Variants in CREB3L1 observed in about 807,000 individuals in gnomAD.
CREB3L1 encodes cAMP responsive element binding protein 3 like 1.
Under a neutral mutation model 54.5 loss-of-function variants are expected in CREB3L1, and 33 were observed. The observed-to-expected ratio is 0.61, with a 90% CI of 0.46 to 0.81. The LOEUF (loss-of-function observed/expected upper bound fraction) is 0.81, where lower values mean the gene tolerates loss of function less well. Among genes scored for constraint, CREB3L1 ranks in the 30% least tolerant of loss-of-function variants. The pLI, the probability that CREB3L1 is intolerant of heterozygous loss-of-function variation, is 0.00. For missense variants in CREB3L1, 656 were observed against 673.3 expected (o/e 0.97, Z 0.29); for synonymous variants, 284 against 286.4 (o/e 0.99, Z 0.08).
chr11:46,297,224 C>T (rs1590342798), intron 1 of CREB3L1, among the ~76,000 whole-genome samples: 1 of 152,206 alleles, frequency 6.6e-6, no homozygotes, highest in Admixed American at 6.5e-5. Flanking sequence ...CTGTGGCTGG[C>T]TGGGTGGTTG....
chr11:46,292,483 A>G (rs527925694), intron 1 of CREB3L1, among the ~76,000 whole-genome samples: 76 of 152,236 alleles, frequency 5.0e-4, no homozygotes, highest in Non-Finnish European at 9.1e-4. Context: ...AGCAAGACAT[A>G]TAGGCAATAC....
chr11:46,288,900 C>T (rs1305094352), intron 1 of CREB3L1, among the ~76,000 whole-genome samples: 1 of 152,172 alleles, frequency 6.6e-6, no homozygotes, highest in Admixed American at 6.5e-5. Flanking sequence ...TGAGCCTCAG[C>T]GTCTCATCCA....
intron 1 of CREB3L1, among the ~76,000 whole-genome samples, chr11:46,291,997 G>A (rs1002496257): frequency 3.3e-5 from 5 of 152,236 alleles, no homozygotes; most frequent in African/African-American, 1.2e-4. Flanking sequence ...TCCAGGCGAG[G>A]AGGGCCTTCC....
intron 1 of CREB3L1, among the ~76,000 whole-genome samples, chr11:46,298,647 C>T (rs1402932873): frequency 6.6e-6 from 1 of 152,072 alleles, no homozygotes; most frequent in African/African-American, 2.4e-5. Flanking sequence ...TGCAGTGAGC[C>T]AAAATCATGC....
At chr11:46,300,744 G>C (rs527601924) in intron 2 of CREB3L1, among the ~76,000 whole-genome samples, 1 of 151,834 alleles carries the variant, frequency 6.6e-6, no homozygotes, top group African/African-American at 2.4e-5. Flanking sequence ...GGTGGCTCAC[G>C]CCTGTAATCC....
At chr11:46,317,290 G>GA (rs1939581904) in intron 9 of CREB3L1, 71 bp from the exon 10 acceptor site, 1 of 1,587,888 alleles carries the variant, frequency 6.3e-7, no homozygotes, top group African/African-American at 1.3e-5. Flanking sequence ...TTTGGGAGAG[G>GA]AGGAGTGGGG....
chr11:46,278,120 C>G lies in CREB3L1; in HGVS notation c.9C>G (p.Ala3=). MD[A]VLEPFPADRL... The stretch of plus-strand genomic sequence containing the variant: ...CCCGGGAGCCGGCTGCGATGGACGC[C>G]GTCTTGGAACCCTTCCCGGCCGACA... The change falls in exon 1 of 12, where the codon GCC becomes GCG. Residue 3 remains alanine (A), a synonymous_variant. Coordinates refer to ENST00000621158, the MANE Select transcript of CREB3L1 (RefSeq NM_052854.4). The surrounding 1 kb of genome is among the most constrained non-coding windows in gnomAD (Gnocchi z 4.2). The G allele has an allele frequency of 6.4e-7, 1 of 1,554,294 alleles. No homozygotes were observed. Among genetic ancestry groups the G allele is most frequent in the Non-Finnish European group, 8.7e-7 (1 of 1,148,892 alleles).
rs904914165 is a variant in CREB3L1 at position 46,278,511 on chromosome 11, C to T, written c.102+298C>T. Reference sequence around the variant, plus strand: ...CCGCCCTCCACCCACGTCTTCTAGCCGTCCCCAACCCACCCCAGGTTCCAG... The same window carrying T: ...CCGCCCTCCACCCACGTCTTCTAGCTGTCCCCAACCCACCCCAGGTTCCAG... On this transcript the variant is annotated intron_variant, in intron 1 of 11. Coordinates refer to ENST00000621158, the MANE Select transcript of CREB3L1 (RefSeq NM_052854.4). The surrounding 1 kb of genome is among the most constrained non-coding windows in gnomAD (Gnocchi z 4.2). Among the ~76,000 whole-genome samples the T allele has an allele frequency of 1.1e-4, 17 of 152,250 alleles. No homozygotes were observed. The highest frequency in any genetic ancestry group is 1.1e-3 in the Admixed American group (17 of 15,292).
intron 4 of CREB3L1, among the ~76,000 whole-genome samples, chr11:46,310,320 T>C (rs1413006750): frequency 6.6e-6 from 1 of 151,992 alleles, no homozygotes; most frequent in Non-Finnish European, 1.5e-5. Flanking sequence ...CAGGCTGGAG[T>C]ACCATGGCAC....
intron 1 of CREB3L1, among the ~76,000 whole-genome samples, chr11:46,283,667 G>A (rs1939012246): frequency 6.6e-6 from 1 of 151,836 alleles, no homozygotes; most frequent in South Asian, 2.1e-4. Flanking sequence ...ATCACTTGAG[G>A]CCAAGAGTTT....
chr11:46,300,118 C>G lies in CREB3L1; in HGVS notation c.286C>G (p.Pro96Ala). 6.2e-7 allele frequency: 1 copy of G among 1,613,678 alleles called. No individual in the cohort carries two copies. Among genetic ancestry groups the G allele is most frequent in the Non-Finnish European group, 8.5e-7 (1 of 1,179,750 alleles). ...HSYSLSGDSA[P>A]QSPLVPIKME... ...CTACTCCCTGAGCGGCGACTCAGCGCCCCAGAGCCCCCTTGTGCCCATCAA... is the reference window on the plus strand; with the variant it reads ...CTACTCCCTGAGCGGCGACTCAGCGGCCCAGAGCCCCCTTGTGCCCATCAA... The change falls in exon 2 of 12, where the codon CCC (proline) becomes GCC (alanine). Residue 96 changes from proline to alanine, a missense_variant. By Grantham distance (27) the Pro-to-Ala change is conservative. Coordinates refer to ENST00000621158, the MANE Select transcript of CREB3L1 (RefSeq NM_052854.4).
At chr11:46,303,985 G>A (rs955943208) in intron 2 of CREB3L1, among the ~76,000 whole-genome samples, 1 of 152,134 alleles carries the variant, frequency 6.6e-6, no homozygotes, top group Non-Finnish European at 1.5e-5. Context: ...CAGCCTAGGC[G>A]ACAGAGCAAG....
chr11:46,312,249 T>C (rs1362959835), intron 5 of CREB3L1, 76 bp from the exon 6 acceptor site: 5 of 1,307,544 alleles, frequency 3.8e-6, no homozygotes, highest in African/African-American at 1.5e-5. Flanking sequence ...CCAGGTCATA[T>C]AGATAGCACA....
chr11:46,308,171 G>T (rs1003555751), intron 3 of CREB3L1, among the ~76,000 whole-genome samples, 171 bp downstream of exon 3: 10 of 152,004 alleles, frequency 6.6e-5, no homozygotes, highest in African/African-American at 2.2e-4. Flanking sequence ...TACCCCCCTG[G>T]CTGCCCCCTC....
chr11:46,294,871 C>T (rs1233068824), intron 1 of CREB3L1, among the ~76,000 whole-genome samples: 1 of 151,660 alleles, frequency 6.6e-6, no homozygotes, highest in Non-Finnish European at 1.5e-5. Context: ...GTCTGTGGGC[C>T]CCAGCCTGCG....
chr11:46,297,067 G>T (rs1390147930), intron 1 of CREB3L1, among the ~76,000 whole-genome samples: 1 of 152,140 alleles, frequency 6.6e-6, no homozygotes, highest in Non-Finnish European at 1.5e-5. Flanking sequence ...TACCTTAGCG[G>T]CTGACTCACC....
At position 46,320,837 on chromosome 11, in the gene CREB3L1, C is replaced by A; in HGVS notation, c.*91C>A. On this transcript the variant is annotated 3_prime_UTR_variant, in exon 12 of 12. Transcript: ENST00000621158. ...ACCCGGATCCGCCTCGTGCCCCTGC[C>A]TCCTGGAGCTTCCCATTCCAGGAGA... The A allele has an allele frequency of 1.5e-6, 2 of 1,343,326 alleles. No individual in the cohort carries two copies. Among genetic ancestry groups the A allele is most frequent in the Non-Finnish European group, 1.0e-6 (1 of 954,780 alleles). The allele number at this position is 1,343,326 out of a possible 1,614,324, so 83.2% of individuals were successfully genotyped here. A position where few individuals can be genotyped will look rare whatever the true frequency, so the allele number is the denominator to read the frequency against.
chr11:46,299,083 A>AT (rs1342373720), intron 1 of CREB3L1, among the ~76,000 whole-genome samples: 6 of 152,030 alleles, frequency 3.9e-5, no homozygotes, highest in African/African-American at 7.2e-5. Flanking sequence ...CACAACTGTG[A>AT]TTTTTTTTAA....
At chr11:46,316,802 G>A (rs544414951) in intron 9 of CREB3L1, among the ~76,000 whole-genome samples, 7 of 152,158 alleles carry the variant, frequency 4.6e-5, no homozygotes, top group South Asian at 2.1e-4. Flanking sequence ...CTCCCAGGGC[G>A]TGTTTCAGAC....
Sources: allele counts gnomAD v4.1 joint callset (sites outside exome capture counted in the v4.1 genomes callset), GRCh38; gene constraint gnomAD v4.1.1; non-coding constraint Gnocchi (gnomAD v3.1); transcripts MANE v1.5; gene names NCBI Gene and HGNC (gene_info 2026-07-23, HGNC 2026-07-21).